Variants in ADGRE5 observed in about 807,000 individuals in gnomAD.
The protein encoded by ADGRE5 is CD97 molecule.
ADGRE5 carries 72 observed loss-of-function variants against 100.3 expected under a neutral mutation model. The ratio of observed to expected loss-of-function variants is 0.72; its 90% CI spans 0.59 to 0.87. The LOEUF is 0.87. ADGRE5 is among the 40% of genes least tolerant of loss of function. The pLI is 0.00. For synonymous variants in ADGRE5, 439 were observed against 447.8 expected (o/e 0.98, Z 0.25); for missense variants, 959 against 1,094.7 (o/e 0.88, Z 1.75).
chr19:14,402,784 A>G lies in ADGRE5; in HGVS notation c.1371A>G (p.Glu457=). ...TTCTGAGCCACAACAACACCAAGGAACTCAACTCCCCCATCCTTTTCGCCT... is the reference window on the plus strand; with the variant it reads ...TTCTGAGCCACAACAACACCAAGGAGCTCAACTCCCCCATCCTTTTCGCCT... The part of the protein sequence containing the change: ...SIFLSHNNTK[E]LNSPILFAFS... The change falls in exon 12 of 20, where the codon GAA becomes GAG. Residue 457 remains glutamate (E), a synonymous_variant. Transcript: ENST00000242786. 3 of 1,613,968 alleles carry G rather than the reference A, an allele frequency of 1.9e-6. No homozygotes were observed. The highest frequency in any genetic ancestry group is 1.1e-5 in the South Asian group (1 of 91,068).
chr19:14,407,133 C>A lies in ADGRE5; in HGVS notation c.2280C>A (p.Phe760Leu), dbSNP rs373515389. The A allele has an allele frequency of 1.2e-5, 20 of 1,614,028 alleles. No homozygotes were observed. The highest frequency in any genetic ancestry group is 1.7e-5 in the Non-Finnish European group (20 of 1,180,042). Reference sequence around the variant, plus strand: ...CCTGGGTCTTTGGCCTGTTCATCTTCGACGATCGGAGCTTGGTGCTGACCT... The same window carrying A: ...CCTGGGTCTTTGGCCTGTTCATCTTAGACGATCGGAGCTTGGTGCTGACCT... Reference protein sequence around the residue: ...GCTWVFGLFIFDDRSLVLTYV... With the variant: ...GCTWVFGLFILDDRSLVLTYV... Residue 760 changes from phenylalanine to leucine, a missense_variant, in exon 18 of 20, where the codon TTC becomes TTA. By Grantham distance (22) the Phe-to-Leu change is conservative (BLOSUM62 0). Transcript: ENST00000242786.
At chr19:14,402,296 G>A (rs1173175817) in intron 11 of ADGRE5, among the ~76,000 whole-genome samples, 2 of 152,074 alleles carry the variant, frequency 1.3e-5, no homozygotes, top group African/African-American at 4.8e-5. Flanking sequence ...TTAGCTGGGA[G>A]TGGTGGCAGG....
At position 14,401,071 on chromosome 19, in the gene ADGRE5, C is replaced by T. The variant is rs1975989182; in HGVS notation, c.898-315C>T. ...TCTGGGAGGTGGAGGTTGCAGTGAG[C>T]TGATTATGCCACTGCACTCAAGCCT... On this transcript the variant is annotated intron_variant, in intron 9 of 19. Transcript: ENST00000242786. This position sits in a 1 kb window ranked among gnomAD's most constrained non-coding sequence, Gnocchi z 4.1. Among the ~76,000 whole-genome samples the T allele has an allele frequency of 6.6e-6, 1 of 151,816 alleles. No individual in the cohort carries two copies. Among genetic ancestry groups the T allele is most frequent in the African/African-American group, 2.4e-5 (1 of 41,282 alleles).
intron 9 of ADGRE5, among the ~76,000 whole-genome samples, chr19:14,399,677 G>A (rs1215277153): frequency 6.6e-6 from 1 of 151,394 alleles, no homozygotes; most frequent in Non-Finnish European, 1.5e-5. Flanking sequence ...CGGAGGCAGA[G>A]GTTGCAGTGA....
At chr19:14,398,466 G>A (rs993657312) in intron 9 of ADGRE5, 7 of 285,714 alleles carry the variant, frequency 2.4e-5, no homozygotes, top group Admixed American at 9.4e-5. Context: ...TCAGGAGATC[G>A]AGACCATTCT....
intron 1 of ADGRE5, among the ~76,000 whole-genome samples, chr19:14,387,933 G>A (rs1239608353): frequency 4.0e-5 from 6 of 151,806 alleles, no homozygotes; most frequent in Non-Finnish European, 7.4e-5. Context: ...AAAATTAGCC[G>A]GGTGTGGTGG....
At chr19:14,403,003 T>C in intron 12 of ADGRE5, 141 bp downstream of exon 12, 1 of 499,912 alleles carries the variant, frequency 2.0e-6, no homozygotes, top group Non-Finnish European at 3.4e-6. Context: ...CCCAACCTCA[T>C]TACTTATTTA....
At chr19:14,403,645 T>G (rs1328744089) in intron 12 of ADGRE5, among the ~76,000 whole-genome samples, 3 of 151,940 alleles carry the variant, frequency 2.0e-5, no homozygotes, top group Non-Finnish European at 4.4e-5. Flanking sequence ...TGCACTACTA[T>G]GCCCAGTTAA....
chr19:14,395,518 C>T (rs141626286), intron 4 of ADGRE5, among the ~76,000 whole-genome samples: 1 of 152,296 alleles, frequency 6.6e-6, no homozygotes, highest in Non-Finnish European at 1.5e-5. Context: ...GGTGGAATGA[C>T]AAGGGATGAG....
At chr19:14,392,972 C>T (rs149960145) in intron 4 of ADGRE5, among the ~76,000 whole-genome samples, 1 of 150,742 alleles carries the variant, frequency 6.6e-6, no homozygotes, top group African/African-American at 2.4e-5. Flanking sequence ...GAGGCCGAGG[C>T]GGGTGGATCA....
chr19:14,401,676 C>A lies in ADGRE5; in HGVS notation c.1099C>A (p.Arg367=). The A allele has an allele frequency of 6.3e-7, 1 of 1,594,866 alleles. No individual in the cohort carries two copies. Among genetic ancestry groups the A allele is most frequent in the Non-Finnish European group, 8.5e-7 (1 of 1,170,814 alleles). ...AGAGCTGACCCTGATGATCCAGGAG[C>A]GGGGGGACAAGAACGTCACTATGGG... ...NTELTLMIQE[R]GDKNVTMGQS... The change falls in exon 11 of 20, where the codon CGG becomes AGG. Residue 367 remains arginine (R), a synonymous_variant. Transcript: ENST00000242786. This position sits in a 1 kb window ranked among gnomAD's most constrained non-coding sequence, Gnocchi z 4.1.
In ADGRE5 at chr19:14,406,913, G is replaced by A. The variant is rs1226120258; in HGVS notation, c.2160G>A (p.Gln720=). ...TGACTACCGTCTGGAAGCTCACTCA[G>A]AAGTTTTCTGAAATCAATCCAGACA... The part of the protein sequence containing the change: ...IFVTTVWKLT[Q]KFSEINPDMK... Residue 720 remains glutamine, a synonymous_variant, in exon 17 of 20, where the codon CAG becomes CAA. Transcript: ENST00000242786. This position sits in a 1 kb window ranked among gnomAD's most constrained non-coding sequence, Gnocchi z 6.0. 4 of 1,614,206 alleles carry A rather than the reference G, an allele frequency of 2.5e-6. 1 individual carries two copies. In the Admixed American group the frequency reaches 5.0e-5, roughly 20 times the overall value.
At position 14,407,638 on chromosome 19, in the gene ADGRE5, C is replaced by CAAAAAAA. The variant is rs566106681; in HGVS notation, c.2377-260_2377-254dup. ...CCTGGGTGACAGTGAGACTTGTCTCCAAAAAAAAAAAAAAAAGCCGGGTGT... is the reference window on the plus strand; with the variant it reads ...CCTGGGTGACAGTGAGACTTGTCTCCAAAAAAAAAAAAAAAAAAAAAAAGCCGGGTGT... On this transcript the variant is annotated intron_variant, in intron 18 of 19. Coordinates refer to ENST00000242786, the MANE Select transcript of ADGRE5 (RefSeq NM_078481.4). Among the ~76,000 whole-genome samples, 87 of 84,640 alleles carry CAAAAAAA rather than the reference C, an allele frequency of 1.0e-3. 1 individual carries two copies. Among genetic ancestry groups the CAAAAAAA allele is most frequent in the African/African-American group, 3.8e-3 (86 of 22,544 alleles). 55.5% of individuals were successfully genotyped at this position (84,640 alleles called of 152,430 possible). A position where few individuals can be genotyped will look rare whatever the true frequency, so the allele number is the denominator to read the frequency against.
At position 14,385,798 on chromosome 19, in the gene ADGRE5, T is replaced by A. The variant is rs1171318492; in HGVS notation, c.23-2652T>A. Among the ~76,000 whole-genome samples, 10 of 148,936 alleles carry A rather than the reference T, an allele frequency of 6.7e-5. No homozygotes were observed. The Admixed American group carries it at 6.8e-4, about 10-fold the overall frequency. On this transcript the variant is annotated intron_variant, in intron 1 of 19. Transcript: ENST00000242786. The stretch of plus-strand genomic sequence containing the variant: ...TTTTTTTTTTTTTTCTGAGACGGAG[T>A]CTTGCTCTGTCACTCAGGCTGGAGT...
chr19:14,387,343 C>T (rs926883816), intron 1 of ADGRE5, among the ~76,000 whole-genome samples: 14 of 152,010 alleles, frequency 9.2e-5, no homozygotes, highest in South Asian at 4.1e-4. Flanking sequence ...AAGCCGAGCT[C>T]GGGAGGCTGA....
At chr19:14,400,107 C>A (rs539012830) in intron 9 of ADGRE5, among the ~76,000 whole-genome samples, 37 of 152,038 alleles carry the variant, frequency 2.4e-4, no homozygotes, top group Non-Finnish European at 4.9e-4. Context: ...GCAAGCTCCG[C>A]CTCCCGGGTT....
chr19:14,399,493 A>G (rs553959368), intron 9 of ADGRE5, among the ~76,000 whole-genome samples: 2,143 of 139,910 alleles, frequency 0.015, 48 homozygotes, highest in African/African-American at 0.051. Flanking sequence ...GAACCCGGGA[A>G]GCGGAGCTTG....
At chr19:14,390,809 T>C (rs1975574191) in intron 3 of ADGRE5, 115 bp from the exon 4 acceptor site, 9 of 1,340,508 alleles carry the variant, frequency 6.7e-6, no homozygotes, top group Non-Finnish European at 9.2e-6. Context: ...CAACTTAAGA[T>C]TTTTTCCAAA....
At chr19:14,398,357 C>A (rs1811951957) in intron 9 of ADGRE5, 4 of 565,748 alleles carry the variant, frequency 7.1e-6, no homozygotes, top group Non-Finnish European at 1.3e-5. Context: ...ATAATGGCAA[C>A]AGAGTGCAGC....
Sources: allele counts gnomAD v4.1 joint callset (sites outside exome capture counted in the v4.1 genomes callset), GRCh38; gene constraint gnomAD v4.1.1; non-coding constraint Gnocchi (gnomAD v3.1); transcripts MANE v1.5; gene names NCBI Gene and HGNC (gene_info 2026-07-23, HGNC 2026-07-21).